The following NR3C2 variants were observed in gnomAD, a reference collection of about 807,000 sequenced individuals.
NR3C2 encodes nuclear receptor subfamily 3 group C member 2.
A neutral mutation model predicts 86.4 loss-of-function variants in NR3C2; 15 were observed. The ratio of observed to expected loss-of-function variants is 0.17; its 90% confidence interval spans 0.12 to 0.27. NR3C2 has a LOEUF of 0.27. Among genes scored for constraint, NR3C2 ranks in the 10% least tolerant of loss-of-function variants. The pLI is 1.00. For missense variants in NR3C2, 960 were observed against 1,195.6 expected, an observed-to-expected ratio of 0.80 and a Z score of 2.91; for synonymous variants, 458 against 450.5, an observed-to-expected ratio of 1.02 and a Z score of -0.21.
intron 2 of NR3C2, among the ~76,000 whole-genome samples, chr4:148,333,026 G>C (rs1417926796): frequency 2.0e-5 from 3 of 152,096 alleles, no homozygotes; most frequent in Non-Finnish European, 2.9e-5. Context: ...AGGACTTTGG[G>C]AGGCCAAGGT....
intron 8 of NR3C2, among the ~76,000 whole-genome samples, chr4:148,084,618 A>G (rs1012262517): frequency 6.6e-6 from 1 of 152,234 alleles, no homozygotes; most frequent in African/African-American, 2.4e-5. Context: ...CTAATGGGCA[A>G]AACAACCAGC....
At chr4:148,109,567 T>A (rs747374629) in intron 8 of NR3C2, among the ~76,000 whole-genome samples, 1 of 152,214 alleles carries the variant, frequency 6.6e-6, no homozygotes, top group Non-Finnish European at 1.5e-5. Context: ...CTACCTTGCA[T>A]TATGCTCCAG....
chr4:148,314,069 T>C (rs1256332527), intron 2 of NR3C2, among the ~76,000 whole-genome samples: 1 of 152,178 alleles, frequency 6.6e-6, no homozygotes, highest in African/African-American at 2.4e-5. Context: ...CACATGTGAC[T>C]AAGGAATCAC....
chr4:148,412,354 T>C (rs1296971468), intron 2 of NR3C2, among the ~76,000 whole-genome samples: 1 of 152,184 alleles, frequency 6.6e-6, no homozygotes, highest in Non-Finnish European at 1.5e-5. Context: ...TTCCTAAAAT[T>C]ACAGTGAAAA....
chr4:148,319,473 G>A (rs1210794661), intron 2 of NR3C2, among the ~76,000 whole-genome samples: 5 of 151,310 alleles, frequency 3.3e-5, no homozygotes, highest in African/African-American at 1.2e-4. Flanking sequence ...TGGGCAGTAT[G>A]GCCATTTTCA....
intron 2 of NR3C2, among the ~76,000 whole-genome samples, chr4:148,344,374 G>GA (rs913377684): frequency 9.9e-5 from 15 of 152,274 alleles, no homozygotes; most frequent in African/African-American, 3.4e-4. Flanking sequence ...CAGGATGGCT[G>GA]AAAAAAGCAT....
At chr4:148,339,675 A>G (rs1744659725) in intron 2 of NR3C2, among the ~76,000 whole-genome samples, 1 of 152,196 alleles carries the variant, frequency 6.6e-6, no homozygotes, top group Non-Finnish European at 1.5e-5. Context: ...GAGAGGAAAA[A>G]AAAGTCCTTT....
intron 2 of NR3C2, among the ~76,000 whole-genome samples, chr4:148,429,371 C>T (rs1349398236): frequency 6.6e-6 from 1 of 152,202 alleles, no homozygotes; most frequent in Non-Finnish European, 1.5e-5. Context: ...GTTATGAATC[C>T]AGATGGCCAG....
At chr4:148,177,800 A>G in intron 4 of NR3C2, among the ~76,000 whole-genome samples, 1 of 152,072 alleles carries the variant, frequency 6.6e-6, no homozygotes, top group East Asian at 1.9e-4. Flanking sequence ...ATATCTCCAT[A>G]TCCCTCATCT....
chr4:148,098,182 T>C (rs1359909138), intron 8 of NR3C2, among the ~76,000 whole-genome samples: 2 of 152,224 alleles, frequency 1.3e-5, no homozygotes, highest in Non-Finnish European at 2.9e-5. Flanking sequence ...CAATAACCTA[T>C]TACGGTTACA....
At position 148,205,312 on chromosome 4, in the gene NR3C2, G is replaced by T. The variant is rs183737723; in HGVS notation, c.1898-10450C>A. ...AAATATTAAATTAGACTAGTTTTGG[G>T]TCTATAATGCTATAATATATGCATG... On this transcript the variant is annotated intron_variant, in intron 3 of 8. Coordinates refer to ENST00000358102, the MANE Select transcript of NR3C2 (RefSeq NM_000901.5). Among the ~76,000 whole-genome samples, 10 of 152,226 alleles carry T rather than the reference G, an allele frequency of 6.6e-5. No individual in the cohort carries two copies. The East Asian group carries it at 1.9e-3, about 29-fold the overall frequency.
At chr4:148,443,045 G>A (rs1182773809), upstream of NR3C2, 5 of 915,264 alleles carry the variant, frequency 5.5e-6, no homozygotes, top group African/African-American at 5.4e-5. Context: ...GACCCTCGAG[G>A]TTCCTCTCCC....
At chr4:148,082,393 G>A (rs766161895) in intron 8 of NR3C2, among the ~76,000 whole-genome samples, 17 of 152,144 alleles carry the variant, frequency 1.1e-4, no homozygotes, top group Admixed American at 3.9e-4. Context: ...CTGGTTAGAC[G>A]GTGGGTGTAG....
chr4:148,349,737 A>C (rs905909427), intron 2 of NR3C2, among the ~76,000 whole-genome samples: 1 of 152,148 alleles, frequency 6.6e-6, no homozygotes, highest in Admixed American at 6.6e-5. Context: ...ACAGTATCAC[A>C]GTTAATTTCA....
chr4:148,402,881 T>C (rs2126538025), intron 2 of NR3C2, among the ~76,000 whole-genome samples: 1 of 152,224 alleles, frequency 6.6e-6, no homozygotes, highest in South Asian at 2.1e-4. Context: ...TGGCAAGCTG[T>C]AAACAAGTAA....
chr4:148,326,062 C>T (rs533909477), intron 2 of NR3C2, among the ~76,000 whole-genome samples: 38 of 152,162 alleles, frequency 2.5e-4, no homozygotes, highest in African/African-American at 8.9e-4. Context: ...TCAATGGACG[C>T]AGGTTGGGGT....
At chr4:148,290,125 C>T (rs1227015193) in intron 2 of NR3C2, among the ~76,000 whole-genome samples, 1 of 152,088 alleles carries the variant, frequency 6.6e-6, no homozygotes, top group African/African-American at 2.4e-5. Flanking sequence ...CTTCCGGGGC[C>T]TCTCTCTGTC....
At chr4:148,258,536 A>C (rs958775148) in intron 3 of NR3C2, among the ~76,000 whole-genome samples, 3 of 152,202 alleles carry the variant, frequency 2.0e-5, no homozygotes, top group Non-Finnish European at 4.4e-5. Flanking sequence ...CTATCTGATC[A>C]CTACATTTTC....
chr4:148,391,121 G>A (rs1380494406), intron 2 of NR3C2, among the ~76,000 whole-genome samples: 1 of 152,154 alleles, frequency 6.6e-6, no homozygotes. Context: ...ATGATTCTCT[G>A]CTTTTATTTC....
Sources: allele counts gnomAD v4.1 joint callset (sites outside exome capture counted in the v4.1 genomes callset), GRCh38; gene constraint gnomAD v4.1.1; transcripts MANE v1.5; gene names NCBI Gene and HGNC (gene_info 2026-07-23, HGNC 2026-07-21).